The following ATP2C1 variants were observed in gnomAD, a reference collection of about 807,000 sequenced individuals.
The protein encoded by ATP2C1 is ATPase secretory pathway Ca2+ transporting 1.
In ATP2C1, 31 loss-of-function variants were observed where a neutral mutation model predicts 120.5. That is an observed-to-expected ratio of 0.26 (90% confidence interval 0.19 to 0.35). The LOEUF is 0.35. Ranked by LOEUF, ATP2C1 falls within the 10% of genes least tolerant of loss-of-function variation. The pLI is 1.00. For missense variants in ATP2C1, 731 were observed against 1,107.5 expected (o/e 0.66, Z 4.83); for synonymous variants, 351 against 358.7 (o/e 0.98, Z 0.24).
At chr3:130,933,432 A>G (rs2059536169) in intron 4 of ATP2C1, among the ~76,000 whole-genome samples, 1 of 152,182 alleles carries the variant, frequency 6.6e-6, no homozygotes, top group African/African-American at 2.4e-5. Context: ...GCTTTAATGT[A>G]CATTCTTAGT....
At chr3:130,885,988 GAAGAACTCTGTTTA>G (rs2068963461) in intron 1 of ATP2C1, among the ~76,000 whole-genome samples, 1 of 152,138 alleles carries the variant, frequency 6.6e-6, no homozygotes, top group African/African-American at 2.4e-5. Context: ...CTTTCAGGTT[GAAGAACTCTGTTTA>G]ACATTTATTT....
At chr3:130,993,600 C>G (rs2062456621) in intron 21 of ATP2C1, among the ~76,000 whole-genome samples, 1 of 152,176 alleles carries the variant, frequency 6.6e-6, no homozygotes, top group African/African-American at 2.4e-5. Flanking sequence ...CCAGTAACAT[C>G]CCCCAAATCC....
At chr3:130,989,342 A>T (rs921164385) in intron 20 of ATP2C1, among the ~76,000 whole-genome samples, 3 of 151,328 alleles carry the variant, frequency 2.0e-5, no homozygotes, top group African/African-American at 7.3e-5. Context: ...AGGTGGGCAG[A>T]TCATCTGAGG....
chr3:130,897,390 T>C lies in ATP2C1; in HGVS notation c.6+2615T>C, dbSNP rs371805441. The stretch of plus-strand genomic sequence containing the variant: ...CTAAGCTTTCTCAGCCTCTAAGTTA[T>C]CTCATCTGTAAATGAGATAATGCCC... On this transcript the variant is annotated intron_variant, in intron 2 of 27. Coordinates refer to ENST00000510168, the MANE Select transcript of ATP2C1 (RefSeq NM_001378687.1). Among the ~76,000 whole-genome samples, 22 of 152,300 alleles carry C rather than the reference T, an allele frequency of 1.4e-4. 1 individual carries two copies. The South Asian group carries it at 4.6e-3, about 32-fold the overall frequency.
intron 11 of ATP2C1, 92 bp downstream of exon 11, chr3:130,956,271 T>G (rs1576873466): frequency 1.4e-6 from 1 of 724,200 alleles, no homozygotes; most frequent in East Asian, 2.9e-5. Flanking sequence ...TTATTGGCTT[T>G]TCTTTTTTTT....
intron 20 of ATP2C1, among the ~76,000 whole-genome samples, chr3:130,987,108 A>T (rs75383926): frequency 7.5e-6 from 1 of 133,054 alleles, no homozygotes; most frequent in Non-Finnish European, 1.6e-5. Flanking sequence ...TTGGGTAATT[A>T]AAAAAAAAAA....
intron 8 of ATP2C1, among the ~76,000 whole-genome samples, chr3:130,942,335 G>C (rs1306480611): frequency 6.6e-6 from 1 of 152,220 alleles, no homozygotes; most frequent in Non-Finnish European, 1.5e-5. Flanking sequence ...GTTACCTTTT[G>C]AGGCTCCTGT....
At chr3:130,906,512 T>C (rs1294780207) in intron 2 of ATP2C1, among the ~76,000 whole-genome samples, 1 of 152,042 alleles carries the variant, frequency 6.6e-6, no homozygotes, top group Non-Finnish European at 1.5e-5. Flanking sequence ...TGTTTTCAGT[T>C]TTTTCAGGTG....
chr3:130,873,440 T>C (rs887275885), intron 1 of ATP2C1, among the ~76,000 whole-genome samples: 1 of 152,342 alleles, frequency 6.6e-6, no homozygotes, highest in Non-Finnish European at 1.5e-5. Flanking sequence ...TATACAAATA[T>C]GTACTTTTGG....
intron 1 of ATP2C1, among the ~76,000 whole-genome samples, chr3:130,880,592 A>G (rs1024240292): frequency 6.6e-6 from 1 of 152,192 alleles, no homozygotes. Context: ...AGGATTAACA[A>G]TTTGCTTGTG....
intron 2 of ATP2C1, among the ~76,000 whole-genome samples, chr3:130,916,519 G>A (rs921274415): frequency 6.6e-6 from 1 of 152,052 alleles, no homozygotes; most frequent in Non-Finnish European, 1.5e-5. Context: ...GATTAAATTT[G>A]TGCTTAAATT....
intron 2 of ATP2C1, among the ~76,000 whole-genome samples, chr3:130,904,786 A>G (rs2058050081): frequency 6.6e-6 from 1 of 151,964 alleles, no homozygotes; most frequent in Non-Finnish European, 1.5e-5. Context: ...CTTAATGGCG[A>G]GTTTTCTATT....
intron 17 of ATP2C1, among the ~76,000 whole-genome samples, chr3:130,970,952 A>G (rs542678686): frequency 1.2e-4 from 18 of 152,310 alleles, no homozygotes; most frequent in South Asian, 6.2e-4. Context: ...ATTTCCGTCT[A>G]TTCTTTAAAG....
chr3:130,878,345 C>G (rs949317768), intron 1 of ATP2C1, among the ~76,000 whole-genome samples: 1 of 152,098 alleles, frequency 6.6e-6, no homozygotes, highest in Admixed American at 6.5e-5. Context: ...GAATTTACTT[C>G]TGTCATTTTG....
chr3:130,947,644 C>T (rs2060207013), intron 8 of ATP2C1, among the ~76,000 whole-genome samples: 1 of 152,140 alleles, frequency 6.6e-6, no homozygotes, highest in Admixed American at 6.5e-5. Flanking sequence ...ATTTATATCA[C>T]ATAGTTGGTG....
Position 131,016,157 on chromosome 3 carries a change from GCT to G in ATP2C1, c.2638_2639del (p.Leu880GlyfsTer21). The G allele has an allele frequency of 6.2e-7, 1 of 1,613,918 alleles. No individual in the cohort carries two copies. Among genetic ancestry groups the G allele is most frequent in the East Asian group, 2.2e-5 (1 of 44,866 alleles). ...CATGGTGCTTACCGAGTTAGGTCTG[GCT>G]CTGGGAGAGGAGTGGACAGCAGCTG... On this transcript the variant is annotated frameshift_variant, in exon 27 of 27. Transcript: ENST00000328560. LOFTEE classifies it high-confidence loss of function.
intron 1 of ATP2C1, among the ~76,000 whole-genome samples, chr3:130,880,579 T>TA (rs896785511): frequency 6.6e-6 from 1 of 152,230 alleles, no homozygotes; most frequent in African/African-American, 2.4e-5. Flanking sequence ...TTTTCTAAGC[T>TA]AAAGGATTAA....
chr3:130,986,770 G>A (rs2062030520), intron 20 of ATP2C1, among the ~76,000 whole-genome samples: 1 of 151,980 alleles, frequency 6.6e-6, no homozygotes. Context: ...TTAGCAGGAC[G>A]GCCCCCACCC....
chr3:130,967,358 T>C lies in ATP2C1; in HGVS notation c.1247T>C (p.Ile416Thr), dbSNP rs2061092554. 2 of 1,613,810 alleles carry C rather than the reference T, an allele frequency of 1.2e-6. No homozygotes were observed. The highest frequency in any genetic ancestry group is 2.2e-5 in the South Asian group (2 of 91,068). Residue 416 changes from isoleucine (I) to threonine (T), a missense_variant, in exon 16 of 28, where the codon ATT becomes ACT. Ile to Thr is a moderately conservative substitution (Grantham distance 89, BLOSUM62 -1). Transcript: ENST00000510168. Reference sequence around the variant, plus strand: ...GGCTGTGTGTGCAATGATGCTGTAATTAGAAACAATACTCTAATGGGGAAG... The same window carrying C: ...GGCTGTGTGTGCAATGATGCTGTAACTAGAAACAATACTCTAATGGGGAAG... Reference protein sequence around the residue: ...EAGCVCNDAVIRNNTLMGKPT... With the variant: ...EAGCVCNDAVTRNNTLMGKPT...
Sources: gnomAD v4.1 joint callset for allele counts (sites outside exome capture counted in the v4.1 genomes callset) on GRCh38, gnomAD v4.1.1 for gene constraint, MANE v1.5 for transcripts, NCBI Gene and HGNC (gene_info 2026-07-23, HGNC 2026-07-21) for gene names.